The following KCNIP4 variants were observed in gnomAD, a reference collection of about 807,000 sequenced individuals.
KCNIP4 encodes Kv channel-interacting protein 4.
In KCNIP4, 12 loss-of-function variants were observed where a neutral mutation model predicts 34.0. That is an observed-to-expected ratio of 0.35 (90% CI 0.23 to 0.57). The LOEUF (loss-of-function observed/expected upper bound fraction) is 0.57. Ranked by LOEUF, KCNIP4 falls within the 20% of genes least tolerant of loss-of-function variation. The pLI is 0.83. For synonymous variants in KCNIP4, 124 were observed against 102.2 expected, an observed-to-expected ratio of 1.21 and a Z score of -1.29; for missense variants, 238 against 311.7, an observed-to-expected ratio of 0.76 and a Z score of 1.78.
intron 1 of KCNIP4, among the ~76,000 whole-genome samples, chr4:21,206,048 C>T (rs1243143185): frequency 6.6e-6 from 1 of 152,184 alleles, no homozygotes; most frequent in Non-Finnish European, 1.5e-5. Flanking sequence ...TGCACTTTGG[C>T]ATTCTCATCC....
At chr4:21,753,225 G>A (rs1462273843) in intron 1 of KCNIP4, among the ~76,000 whole-genome samples, 1 of 152,108 alleles carries the variant, frequency 6.6e-6, no homozygotes, top group Non-Finnish European at 1.5e-5. Context: ...CACTATCTGA[G>A]GTCTTAGAGA....
intron 1 of KCNIP4, among the ~76,000 whole-genome samples, chr4:21,519,748 CGTGT>C (rs1194087726): frequency 6.1e-5 from 7 of 114,730 alleles, no homozygotes; most frequent in South Asian, 6.3e-4. Context: ...ATGATACACA[CGTGT>C]GTGTATGTAT....
intron 1 of KCNIP4, among the ~76,000 whole-genome samples, chr4:21,528,700 A>C (rs1279213844): frequency 0.019 from 5 of 268 alleles, no homozygotes; most frequent in African/African-American, 0.061. Flanking sequence ...AGAAAGAAAG[A>C]AAGAAAGAAA....
intron 1 of KCNIP4, among the ~76,000 whole-genome samples, chr4:21,898,667 G>A (rs1037226478): frequency 2.0e-5 from 3 of 152,298 alleles, no homozygotes; most frequent in African/African-American, 7.2e-5. Context: ...AGGGCCTTGG[G>A]TGAGACTTAG....
intron 1 of KCNIP4, among the ~76,000 whole-genome samples, chr4:21,794,438 G>T (rs1356868427): frequency 6.6e-6 from 1 of 152,108 alleles, no homozygotes; most frequent in Non-Finnish European, 1.5e-5. Flanking sequence ...TATATACCTG[G>T]TAGACAGCGT....
intron 1 of KCNIP4, among the ~76,000 whole-genome samples, chr4:21,371,931 T>C (rs1305335508): frequency 6.8e-6 from 1 of 146,988 alleles, no homozygotes; most frequent in South Asian, 2.1e-4. Flanking sequence ...AGGATATTTA[T>C]GAGTAGCTTA....
At chr4:20,782,547 G>A (rs899356603) in intron 3 of KCNIP4, among the ~76,000 whole-genome samples, 2 of 152,124 alleles carry the variant, frequency 1.3e-5, no homozygotes, top group Admixed American at 1.3e-4. Context: ...CAGGGCTTAG[G>A]GCTTGCACCC....
At chr4:21,785,424 C>G (rs942055387) in intron 1 of KCNIP4, among the ~76,000 whole-genome samples, 3 of 151,860 alleles carry the variant, frequency 2.0e-5, no homozygotes, top group Non-Finnish European at 4.4e-5. Context: ...AACCCTGCCT[C>G]TACTAAAAAT....
intron 5 of KCNIP4, among the ~76,000 whole-genome samples, chr4:20,739,938 CTG>C (rs1202804824): frequency 6.6e-6 from 1 of 152,116 alleles, no homozygotes; most frequent in Non-Finnish European, 1.5e-5. Context: ...CAAGAACTAT[CTG>C]ATGCATTCAC....
chr4:20,857,135 C>T (rs190974861), intron 2 of KCNIP4, among the ~76,000 whole-genome samples: 84 of 151,892 alleles, frequency 5.5e-4, no homozygotes, highest in African/African-American at 2.0e-3. Context: ...ATGACTCCTA[C>T]CTGCCAAAGG....
At chr4:21,300,732 G>T (rs1711575637) in intron 1 of KCNIP4, among the ~76,000 whole-genome samples, 1 of 152,076 alleles carries the variant, frequency 6.6e-6, no homozygotes, top group South Asian at 2.1e-4. Context: ...TACTATGGAA[G>T]AGAAGGAAAG....
intron 1 of KCNIP4, among the ~76,000 whole-genome samples, chr4:21,552,246 ACT>A (rs1738647335): frequency 6.6e-6 from 1 of 151,982 alleles, no homozygotes; most frequent in Non-Finnish European, 1.5e-5. Flanking sequence ...TTTAGTGATA[ACT>A]CTTTCAGTTC....
At chr4:21,195,696 C>T (rs555759192) in intron 1 of KCNIP4, among the ~76,000 whole-genome samples, 4 of 152,298 alleles carry the variant, frequency 2.6e-5, no homozygotes, top group South Asian at 2.1e-4. Context: ...AATTTTATTT[C>T]GCTTTTTTGC....
chr4:21,599,921 C>T (rs2109116762), intron 1 of KCNIP4, among the ~76,000 whole-genome samples: 1 of 152,104 alleles, frequency 6.6e-6, no homozygotes, highest in East Asian at 1.9e-4. Flanking sequence ...AGAGACACAG[C>T]CCTATTCTCA....
intron 1 of KCNIP4, among the ~76,000 whole-genome samples, chr4:21,014,131 A>G (rs1739295783): frequency 6.6e-6 from 1 of 152,226 alleles, no homozygotes; most frequent in Non-Finnish European, 1.5e-5. Flanking sequence ...TTGGATCTTT[A>G]AAATCATATA....
Position 21,728,432 on chromosome 4 carries a change from G to A in KCNIP4, c.61+220139C>T, listed in dbSNP as rs375977121. ...CTGCCACCCCAGAACTGCAGGCCAA[G>A]CTGCTGTGATTTATGGCCTATTTAT... On this transcript the variant is annotated intron_variant, in intron 1 of 8. Coordinates refer to ENST00000382152, the MANE Select transcript of KCNIP4 (RefSeq NM_025221.6). 6.6e-5 allele frequency among the ~76,000 whole-genome samples: 10 copies of A among 152,210 alleles called. No homozygotes were observed. In the East Asian group the frequency reaches 1.4e-3, roughly 21 times the overall value.
rs867574647 is a variant in KCNIP4 at position 21,528,764 on chromosome 4, A to G, written c.61+419807T>C. Among the ~76,000 whole-genome samples the G allele has an allele frequency of 6.9e-3, 65 of 9,396 alleles. 1 individual carries two copies. Among genetic ancestry groups the G allele is most frequent in the East Asian group, 0.013 (3 of 236 alleles). The allele number at this position is 9,396 out of a possible 152,430, so 6.2% of individuals were successfully genotyped here. ...GAAAGAAAGAAAGAAAGAAAGAAAGAAAGAAAGAAAGAAAGGAAGAAAGGA... is the reference window on the plus strand; with the variant it reads ...GAAAGAAAGAAAGAAAGAAAGAAAGGAAGAAAGAAAGAAAGGAAGAAAGGA... On this transcript the variant is annotated intron_variant, in intron 1 of 8. Coordinates refer to ENST00000382152, the MANE Select transcript of KCNIP4 (RefSeq NM_025221.6).
chr4:21,122,262 T>C (rs575834652), intron 1 of KCNIP4, among the ~76,000 whole-genome samples: 1 of 152,132 alleles, frequency 6.6e-6, no homozygotes, highest in East Asian at 1.9e-4. Flanking sequence ...TAGGAATCAT[T>C]TCTCAACCAA....
intron 3 of KCNIP4, among the ~76,000 whole-genome samples, chr4:20,809,719 T>C: frequency 6.6e-6 from 1 of 152,242 alleles, no homozygotes; most frequent in Non-Finnish European, 1.5e-5. Context: ...CTTACTCTCT[T>C]GTAATATCAT....
Sources: gnomAD v4.1 joint callset for allele counts (sites outside exome capture counted in the v4.1 genomes callset) on GRCh38, gnomAD v4.1.1 for gene constraint, MANE v1.5 for transcripts, NCBI Gene and HGNC (gene_info 2026-07-23, HGNC 2026-07-21) for gene names.